TRIM4: variants seen among roughly 807,000 people sequenced by gnomAD.
The protein encoded by TRIM4 is tripartite motif containing 4, also known as E3 ubiquitin-protein ligase TRIM4.
Under a neutral mutation model 33.7 loss-of-function variants are expected in TRIM4, and 29 were observed. That is an observed-to-expected ratio of 0.86 (90% CI 0.64 to 1.17). The LOEUF (loss-of-function observed/expected upper bound fraction) is 1.17, where lower values mean the gene tolerates loss of function less well. Ranked by LOEUF, TRIM4 falls within the 50% of genes most tolerant of loss-of-function variation. The pLI, the probability that TRIM4 is intolerant of heterozygous loss-of-function variation, is 0.00. For missense variants in TRIM4, 554 were observed against 593.7 expected (o/e 0.93, Z 0.69); for synonymous variants, 224 against 233.0 (o/e 0.96, Z 0.35).
chr7:99,915,056 C>T (rs752156360), intron 1 of TRIM4, among the ~76,000 whole-genome samples: 46 of 152,052 alleles, frequency 3.0e-4, no homozygotes, highest in Non-Finnish European at 1.5e-4. Flanking sequence ...GGGATCCTCG[C>T]GTCTCAGCCT....
chr7:99,904,570 T>G (rs574016996), intron 3 of TRIM4, among the ~76,000 whole-genome samples: 9 of 152,338 alleles, frequency 5.9e-5, no homozygotes, highest in African/African-American at 2.2e-4. Context: ...TTGTAACAAA[T>G]GAACTATATT....
intron 5 of TRIM4, among the ~76,000 whole-genome samples, chr7:99,899,122 G>A (rs1255228050): frequency 7.9e-5 from 12 of 152,186 alleles, no homozygotes; most frequent in Non-Finnish European, 1.6e-4. Flanking sequence ...CACACCCTGA[G>A]AATAACCCTA....
chr7:99,912,531 TA>T (rs34914690), intron 1 of TRIM4, among the ~76,000 whole-genome samples: 32 of 145,750 alleles, frequency 2.2e-4, no homozygotes, highest in East Asian at 7.9e-4. Context: ...CTCTACATAT[TA>T]AAAAAAAAAA....
At chr7:99,900,374 T>C (rs529744043) in intron 5 of TRIM4, among the ~76,000 whole-genome samples, 1 of 152,206 alleles carries the variant, frequency 6.6e-6, no homozygotes, top group South Asian at 2.1e-4. Flanking sequence ...TAAATGTTAA[T>C]CTTATCCAAA....
Position 99,919,388 on chromosome 7 carries a change from T to C in TRIM4, c.14A>G (p.Asp5Gly), listed in dbSNP as rs1323943318. Reference protein sequence around the residue: MEAEDIQEELTCPIC... With the variant: MEAEGIQEELTCPIC... ...GGGGCAGGTCAACTCCTCCTGGATG[T>C]CCTCAGCTTCCATGCTGCTTCCCTG... The change falls in exon 1 of 6, where the codon GAC (aspartate) becomes GGC (glycine). Residue 5 changes from aspartate to glycine, a missense_variant. By Grantham distance (94) the Asp-to-Gly change is moderately conservative. Coordinates refer to ENST00000349062, the MANE Select transcript of TRIM4 (RefSeq NM_033091.3). 6.4e-7 allele frequency: 1 copy of C among 1,565,140 alleles called. No homozygotes were observed. The highest frequency in any genetic ancestry group is 1.2e-5 in the South Asian group (1 of 85,796).
Position 99,907,929 on chromosome 7 carries a change from C to T in TRIM4, c.720+653G>A, listed in dbSNP as rs1271441327. Among the ~76,000 whole-genome samples, 2 of 152,074 alleles carry T rather than the reference C, an allele frequency of 1.3e-5. 1 individual carries two copies. Among genetic ancestry groups the T allele is most frequent in the Admixed American group, 1.3e-4 (2 of 15,240 alleles). ...GAATTATTTCAGCAAAAAGAAAAAGCAAAGTCACAAATGTAGGACCCTATC... is the reference window on the plus strand; with the variant it reads ...GAATTATTTCAGCAAAAAGAAAAAGTAAAGTCACAAATGTAGGACCCTATC... On this transcript the variant is annotated intron_variant, in intron 3 of 5. Coordinates refer to ENST00000349062, the MANE Select transcript of TRIM4 (RefSeq NM_033091.3).
At chr7:99,916,095 A>G (rs1042068851) in intron 1 of TRIM4, among the ~76,000 whole-genome samples, 3 of 152,214 alleles carry the variant, frequency 2.0e-5, no homozygotes, top group Admixed American at 6.5e-5. Flanking sequence ...GTGGTACGTA[A>G]GAAGTAATGA....
chr7:99,895,947 A>T (rs926163668), intron 5 of TRIM4, among the ~76,000 whole-genome samples: 16 of 143,330 alleles, frequency 1.1e-4, no homozygotes, highest in Non-Finnish European at 9.2e-5. Flanking sequence ...ATTGGGTCTT[A>T]TTTTTTTTTT....
chr7:99,894,785 C>T (rs1333403717), intron 5 of TRIM4, among the ~76,000 whole-genome samples: 1 of 152,124 alleles, frequency 6.6e-6, no homozygotes, highest in South Asian at 2.1e-4. Flanking sequence ...TCTCTATCTT[C>T]ATGAGTCAGC....
chr7:99,919,084 G>A lies in TRIM4; in HGVS notation c.318C>T (p.Cys106=). The part of the protein sequence containing the change: ...LFCEDDQRPV[C]LVCRESQEHQ... The stretch of plus-strand genomic sequence containing the variant: ...GCTCCTGGGACTCCCTGCACACCAG[G>A]CACACTGGCCGCTGGTCGTCCTCGC... The change falls in exon 1 of 6, where the codon TGC becomes TGT. Residue 106 remains cysteine, a synonymous_variant. Coordinates refer to ENST00000349062, the MANE Select transcript of TRIM4 (RefSeq NM_033091.3). 2.6e-6 allele frequency: 4 copies of A among 1,550,536 alleles called. No individual in the cohort carries two copies. Among genetic ancestry groups the A allele is most frequent in the Non-Finnish European group, 3.5e-6 (4 of 1,149,832 alleles).
intron 3 of TRIM4, among the ~76,000 whole-genome samples, chr7:99,906,845 C>T (rs1234298053): frequency 6.6e-6 from 1 of 152,102 alleles, no homozygotes; most frequent in Non-Finnish European, 1.5e-5. Context: ...GACCCTGTCT[C>T]AAAACCTAAA....
chr7:99,894,664 C>T (rs1340671141), intron 5 of TRIM4, among the ~76,000 whole-genome samples: 3 of 138,722 alleles, frequency 2.2e-5, no homozygotes, highest in Non-Finnish European at 4.7e-5. Context: ...AAGACTCCAT[C>T]CCCCCCCCAA....
chr7:99,893,116 A>G, intron 5 of TRIM4, among the ~76,000 whole-genome samples: 1 of 151,994 alleles, frequency 6.6e-6, no homozygotes, highest in East Asian at 1.9e-4. Context: ...CAAACAAAAA[A>G]ACTGGCCCGG....
intron 5 of TRIM4, among the ~76,000 whole-genome samples, chr7:99,900,459 A>G (rs1418257422): frequency 6.6e-6 from 1 of 152,242 alleles, no homozygotes; most frequent in Non-Finnish European, 1.5e-5. Context: ...AAGTTGATGT[A>G]TAAACTTACC....
chr7:99,902,133 A>C (rs1488331972), intron 5 of TRIM4: 8 of 765,022 alleles, frequency 1.0e-5, no homozygotes, highest in Non-Finnish European at 1.9e-5. Flanking sequence ...CGGTTGTTTC[A>C]CATATTGTGC....
chr7:99,891,737 A>T lies in TRIM4; in HGVS notation c.*426T>A, dbSNP rs926631692. 2 of 163,086 alleles carry T rather than the reference A, an allele frequency of 1.2e-5. No individual in the cohort carries two copies. Among genetic ancestry groups the T allele is most frequent in the African/African-American group, 4.8e-5 (2 of 41,648 alleles). 10.1% of individuals were successfully genotyped at this position (163,086 alleles called of 1,614,324 possible). A position where few individuals can be genotyped will look rare whatever the true frequency, so the allele number is the denominator to read the frequency against. ...CTGCAAGTAACCAAATACAACTAAAATTGTCTTATACAATAAGGGCGTAAT... is the reference window on the plus strand; with the variant it reads ...CTGCAAGTAACCAAATACAACTAAATTTGTCTTATACAATAAGGGCGTAAT... On this transcript the variant is annotated 3_prime_UTR_variant, in exon 6 of 6. Coordinates refer to ENST00000349062, the MANE Select transcript of TRIM4 (RefSeq NM_033091.3).
chr7:99,905,625 C>A (rs895268441), intron 3 of TRIM4, among the ~76,000 whole-genome samples: 3 of 152,162 alleles, frequency 2.0e-5, no homozygotes, highest in African/African-American at 7.2e-5. Context: ...CAGCATCCTA[C>A]ACACAAGAGA....
At chr7:99,906,148 A>T (rs1302999924) in intron 3 of TRIM4, among the ~76,000 whole-genome samples, 1 of 152,144 alleles carries the variant, frequency 6.6e-6, no homozygotes, top group East Asian at 1.9e-4. Context: ...CCATCTCAAA[A>T]AAAAAAAGTA....
chr7:99,917,834 T>TA, intron 1 of TRIM4: 28 of 985,406 alleles, frequency 2.8e-5, no homozygotes, highest in Non-Finnish European at 3.3e-5. Context: ...GGGGTGGGGC[T>TA]ACTCTGGAAA....
Sources: gnomAD v4.1 joint callset for allele counts (sites outside exome capture counted in the v4.1 genomes callset) on GRCh38, gnomAD v4.1.1 for gene constraint, MANE v1.5 for transcripts, NCBI Gene and HGNC (gene_info 2026-07-23, HGNC 2026-07-21) for gene names.